The following ARID1B variants were observed in gnomAD, a reference collection of about 807,000 sequenced individuals.
ARID1B encodes AT-rich interactive domain-containing protein 1B.
Under a neutral mutation model 212.3 loss-of-function variants are expected in ARID1B, and 30 were observed. The observed-to-expected ratio is 0.14, with a 90% confidence interval of 0.11 to 0.19. ARID1B has a LOEUF of 0.19. ARID1B is among the 10% of genes least tolerant of loss of function. The pLI, the probability that ARID1B is intolerant of heterozygous loss-of-function variation, is 1.00. For missense variants in ARID1B, 2,891 were observed against 3,204.0 expected, an observed-to-expected ratio of 0.90 and a Z score of 2.36; for synonymous variants, 1,402 against 1,301.7, an observed-to-expected ratio of 1.08 and a Z score of -1.66.
intron 2 of ARID1B, among the ~76,000 whole-genome samples, chr6:156,880,930 T>C (rs1787029680): frequency 6.6e-6 from 1 of 151,626 alleles, no homozygotes; most frequent in Non-Finnish European, 1.5e-5. Flanking sequence ...GTTCTCAGAC[T>C]AGCATAATTT....
At chr6:156,815,709 A>G (rs1381823070) in intron 1 of ARID1B, among the ~76,000 whole-genome samples, 1 of 152,248 alleles carries the variant, frequency 6.6e-6, no homozygotes, top group Non-Finnish European at 1.5e-5. Flanking sequence ...ATAATTTGCC[A>G]TAAATGCTAA....
intron 3 of ARID1B, among the ~76,000 whole-genome samples, chr6:156,910,698 A>C (rs1789804651): frequency 6.6e-6 from 1 of 152,196 alleles, no homozygotes; most frequent in South Asian, 2.1e-4. Context: ...TAGAGCATCT[A>C]ATCTGCCATA....
intron 2 of ARID1B, among the ~76,000 whole-genome samples, chr6:156,880,775 G>GAAAAGAAAAAAGAA (rs755985152): frequency 3.8e-4 from 44 of 114,382 alleles, no homozygotes; most frequent in African/African-American, 1.5e-3. Flanking sequence ...GAAAAGAAAA[G>GAAAAGAAAAAAGAA]AAAAACACAC....
At chr6:156,857,641 CAA>C (rs572253461) in intron 2 of ARID1B, among the ~76,000 whole-genome samples, 1 of 152,146 alleles carries the variant, frequency 6.6e-6, no homozygotes, top group African/African-American at 2.4e-5. Flanking sequence ...CTTAAGGAAA[CAA>C]AGAGGCAAAT....
chr6:156,809,361 T>G (rs1781403044), intron 1 of ARID1B, among the ~76,000 whole-genome samples: 1 of 152,208 alleles, frequency 6.6e-6, no homozygotes, highest in South Asian at 2.1e-4. Context: ...TGTGTATAAA[T>G]TAAGCTTTCT....
At chr6:157,163,312 T>G (rs1387451856) in intron 8 of ARID1B, among the ~76,000 whole-genome samples, 1 of 152,072 alleles carries the variant, frequency 6.6e-6, no homozygotes, top group African/African-American at 2.4e-5. Flanking sequence ...AGCCACAGAC[T>G]CCTCCTAGGT....
intron 1 of ARID1B, among the ~76,000 whole-genome samples, chr6:156,797,846 T>A (rs1436215120): frequency 6.6e-6 from 1 of 152,114 alleles, no homozygotes; most frequent in Non-Finnish European, 1.5e-5. Context: ...GAGAGGTGCC[T>A]GGGCGTTCTA....
chr6:157,039,848 TTCTCTC>T (rs143678192), intron 4 of ARID1B, among the ~76,000 whole-genome samples: 2 of 125,822 alleles, frequency 1.6e-5, no homozygotes, highest in Admixed American at 7.9e-5. Context: ...TTCTCTCTCT[TTCTCTC>T]TCTTTCTCTC....
intron 6 of ARID1B, among the ~76,000 whole-genome samples, chr6:157,127,783 CAAA>C (rs61172896): frequency 1.8e-5 from 1 of 56,796 alleles, no homozygotes; most frequent in African/African-American, 6.4e-5. Flanking sequence ...GACTCTGTCT[CAAA>C]AAAAAAAAAA....
At chr6:157,142,061 C>T (rs1373217455) in intron 7 of ARID1B, among the ~76,000 whole-genome samples, 1 of 152,176 alleles carries the variant, frequency 6.6e-6, no homozygotes, top group Non-Finnish European at 1.5e-5. Flanking sequence ...TGTACAGATG[C>T]ATGCAACGGT....
rs567345303 is a variant in ARID1B at position 156,931,886 on chromosome 6, C to T, written c.2137-3580C>T. On this transcript the variant is annotated intron_variant, in intron 3 of 19. Coordinates refer to ENST00000636930, the MANE Select transcript of ARID1B (RefSeq NM_001374828.1). Reference sequence around the variant, plus strand: ...CTGAGGCAGGAGAATCGCTTCAACCCGGGAGGTGGAGATTGCGGTGAGCTG... The same window carrying T: ...CTGAGGCAGGAGAATCGCTTCAACCTGGGAGGTGGAGATTGCGGTGAGCTG... Among the ~76,000 whole-genome samples the T allele has an allele frequency of 7.3e-5, 11 of 149,780 alleles. No individual in the cohort carries two copies. The East Asian group carries it at 7.9e-4, about 11-fold the overall frequency.
intron 2 of ARID1B, among the ~76,000 whole-genome samples, chr6:156,882,218 G>A (rs9372023): frequency 0.28 from 42,769 of 151,930 alleles, 6,191 homozygotes; most frequent in Non-Finnish European, 0.33. Flanking sequence ...CCTTGGTCCC[G>A]GTGGAGCAGC....
Position 157,206,284 on chromosome 6 carries a change from G to A in ARID1B, c.5512G>A (p.Ala1838Thr), listed in dbSNP as rs546855765. ...CAGCCAAAAAGCACTTGATCACAACGCAGCAAGGAAGGATGACAGCCAGTC... is the reference window on the plus strand; with the variant it reads ...CAGCCAAAAAGCACTTGATCACAACACAGCAAGGAAGGATGACAGCCAGTC... ...DPSQKALDHN[A>T]ARKDDSQSLA... Residue 1838 changes from alanine to threonine, a missense_variant, in exon 20 of 20, where the codon GCA becomes ACA. Coordinates refer to ENST00000636930, the MANE Select transcript of ARID1B (RefSeq NM_001374828.1). This position sits in a 1 kb window ranked among gnomAD's most constrained non-coding sequence, Gnocchi z 6.8. 3.9e-5 allele frequency: 63 copies of A among 1,614,162 alleles called. No homozygotes were observed. The East Asian group carries it at 1.2e-3, about 32-fold the overall frequency.
chr6:157,084,143 C>G (rs12208916), intron 4 of ARID1B, among the ~76,000 whole-genome samples: 3 of 134,288 alleles, frequency 2.2e-5, no homozygotes, highest in Non-Finnish European at 3.3e-5. Flanking sequence ...ACCTCCCCCC[C>G]AAAAAAAAAA....
rs1784668529 is a variant in ARID1B at position 156,852,839 on chromosome 6, T to C, written c.1986+23418T>C. Among the ~76,000 whole-genome samples the C allele has an allele frequency of 2.0e-5, 3 of 152,230 alleles. No homozygotes were observed. The South Asian group carries it at 6.2e-4, about 31-fold the overall frequency. On this transcript the variant is annotated intron_variant, in intron 2 of 19. Coordinates refer to ENST00000636930, the MANE Select transcript of ARID1B (RefSeq NM_001374828.1). ...TAGGAGCCTCTCGTTTCATGTTTAG[T>C]TTTGTTTTATAACTTAATATTTCTT...
chr6:156,844,934 C>T lies in ARID1B; in HGVS notation c.1986+15513C>T, dbSNP rs564641134. On this transcript the variant is annotated intron_variant, in intron 2 of 19. Coordinates refer to ENST00000636930, the MANE Select transcript of ARID1B (RefSeq NM_001374828.1). Reference sequence around the variant, plus strand: ...AGTTTATCCTCAAGCTCTGATAGAACGGTGCACTTCCTCTCAAGATGGTGG... The same window carrying T: ...AGTTTATCCTCAAGCTCTGATAGAATGGTGCACTTCCTCTCAAGATGGTGG... 3.3e-4 allele frequency among the ~76,000 whole-genome samples: 50 copies of T among 152,294 alleles called. No homozygotes were observed. In the South Asian group the frequency reaches 9.1e-3, roughly 28 times the overall value.
At chr6:157,124,665 A>T (rs979726750) in intron 6 of ARID1B, among the ~76,000 whole-genome samples, 1 of 152,210 alleles carries the variant, frequency 6.6e-6, no homozygotes, top group Admixed American at 6.5e-5. Context: ...CACTGTACAT[A>T]ATAAGGGTCA....
At position 157,148,645 on chromosome 6, in the gene ARID1B, C is replaced by T. The variant is rs749077422; in HGVS notation, c.2783C>T (p.Ala928Val). ...TTAGGTAACTACTCCAGACCCCCAG[C>T]GTATAGTGGGGTGCCCAGTGCAAGC... is the stretch of plus-strand genomic sequence containing the variant. ...GPQGNYSRPP[A>V]YSGVPSASYS... Residue 928 changes from alanine to valine, a missense_variant, in exon 8 of 20, where the codon GCG becomes GTG. Transcript: ENST00000636930. The surrounding 1 kb of genome is among the most constrained non-coding windows in gnomAD (Gnocchi z 5.6). 8.2e-5 allele frequency: 130 copies of T among 1,589,966 alleles called. No homozygotes were observed. Among genetic ancestry groups the T allele is most frequent in the Non-Finnish European group, 1.1e-4 (130 of 1,160,450 alleles).
At chr6:157,135,270 G>C (rs147369830) in intron 7 of ARID1B, among the ~76,000 whole-genome samples, 1 of 151,984 alleles carries the variant, frequency 6.6e-6, no homozygotes, top group Non-Finnish European at 1.5e-5. Context: ...TATTATGTTG[G>C]CATTTGCTTC....
Sources: gnomAD v4.1 joint callset for allele counts (sites outside exome capture counted in the v4.1 genomes callset) on GRCh38, gnomAD v4.1.1 for gene constraint, Gnocchi (gnomAD v3.1) non-coding constraint, MANE v1.5 for transcripts, NCBI Gene and HGNC (gene_info 2026-07-23, HGNC 2026-07-21) for gene names.